The following CHGB variants were observed in gnomAD, a reference collection of about 807,000 sequenced individuals.
The protein encoded by CHGB is chromogranin B.
A neutral mutation model predicts 69.9 loss-of-function variants in CHGB; 46 were observed. The ratio of observed to expected loss-of-function variants is 0.66; its 90% CI spans 0.52 to 0.84. The LOEUF is 0.84. Ranked by LOEUF, CHGB falls within the 40% of genes least tolerant of loss-of-function variation. CHGB has a pLI of 0.00. For missense variants in CHGB, 796 were observed against 822.2 expected, an observed-to-expected ratio of 0.97 and a Z score of 0.39; for synonymous variants, 312 against 298.2, an observed-to-expected ratio of 1.05 and a Z score of -0.48.
intron 1 of CHGB, among the ~76,000 whole-genome samples, chr20:5,915,028 C>G (rs908794460): frequency 6.6e-6 from 1 of 152,198 alleles, no homozygotes; most frequent in Non-Finnish European, 1.5e-5. Context: ...TGTCTGAGAA[C>G]TTGCCCCAGC....
rs1177439592 is a variant in CHGB at position 5,923,384 on chromosome 20, G to A, written c.1240G>A (p.Gly414Arg). The change falls in exon 4 of 5, where the codon GGA (glycine) becomes AGA (arginine). Residue 414 changes from glycine (G) to arginine (R), a missense_variant. Gly to Arg is a moderately radical substitution (Grantham distance 125). Transcript: ENST00000378961. ...ESEEERGLEPGKGRHHRGRGG... is the reference protein window; with the variant it reads ...ESEEERGLEPRKGRHHRGRGG... The stretch of plus-strand genomic sequence containing the variant: ...TGAGGAAGAGAGGGGCCTTGAGCCG[G>A]GAAAGGGACGCCATCACAGAGGCAG... The A allele has an allele frequency of 1.9e-6, 3 of 1,613,838 alleles. No homozygotes were observed. Among genetic ancestry groups the A allele is most frequent in the Admixed American group, 1.7e-5 (1 of 59,994 alleles).
Position 5,923,290 on chromosome 20 carries a change from TGAG to T in CHGB, c.1152_1154del (p.Glu384del). ...GACCTCAGAGTGAGGAGAGTTGGGA[TGAG>T]GAGGACAAGAGAAACTACCCCAGCT... is the stretch of plus-strand genomic sequence containing the variant. On this transcript the variant is annotated inframe_deletion, in exon 4 of 5. Coordinates refer to ENST00000378961, the MANE Select transcript of CHGB (RefSeq NM_001819.3). 1 of 1,613,138 alleles carries T rather than the reference TGAG, an allele frequency of 6.2e-7. No individual in the cohort carries two copies. Among genetic ancestry groups the T allele is most frequent in the Non-Finnish European group, 8.5e-7 (1 of 1,179,932 alleles).
At chr20:5,919,928 T>C (rs923941095) in intron 3 of CHGB, among the ~76,000 whole-genome samples, 1 of 152,248 alleles carries the variant, frequency 6.6e-6, no homozygotes, top group Non-Finnish European at 1.5e-5. Context: ...TTTATGGATT[T>C]GAGAGACCTC....
At chr20:5,918,611 G>C (rs1469104838) in intron 3 of CHGB, among the ~76,000 whole-genome samples, 1 of 151,204 alleles carries the variant, frequency 6.6e-6, no homozygotes, top group Non-Finnish European at 1.5e-5. Context: ...AGGAGATCAA[G>C]ACCATCCTGT....
intron 1 of CHGB, among the ~76,000 whole-genome samples, chr20:5,913,723 G>A (rs1309078329): frequency 2.8e-5 from 4 of 144,456 alleles, no homozygotes; most frequent in East Asian, 2.1e-4. Context: ...TCCATCTCCC[G>A]GGCTCAAGCA....
chr20:5,921,746 A>G (rs1270057679), intron 3 of CHGB, among the ~76,000 whole-genome samples: 1 of 152,234 alleles, frequency 6.6e-6, no homozygotes, highest in East Asian at 1.9e-4. Flanking sequence ...TATATATCAC[A>G]TACTGCTAGG....
chr20:5,912,774 C>G (rs2088453972), intron 1 of CHGB, among the ~76,000 whole-genome samples: 1 of 152,024 alleles, frequency 6.6e-6, no homozygotes, highest in Non-Finnish European at 1.5e-5. Flanking sequence ...AGAAAATTGT[C>G]CATATCTGAG....
At chr20:5,913,238 T>C (rs1292978933) in intron 1 of CHGB, among the ~76,000 whole-genome samples, 1 of 152,258 alleles carries the variant, frequency 6.6e-6, no homozygotes, top group Non-Finnish European at 1.5e-5. Flanking sequence ...TCCACGCTTT[T>C]AAATTATATA....
chr20:5,917,609 C>T (rs1341976956), intron 3 of CHGB: 1 of 152,366 alleles, frequency 6.6e-6, no homozygotes, highest in African/African-American at 2.4e-5. Context: ...GTGAAGTGTT[C>T]TCAATATGAA....
chr20:5,922,306 A>C (rs750897747), intron 3 of CHGB, 29 bp from the exon 4 acceptor site: 90 of 1,506,336 alleles, frequency 6.0e-5, no homozygotes, highest in Non-Finnish European at 7.7e-5. Context: ...CAATTCTGAA[A>C]TTATACCTAC....
At chr20:5,913,883 C>T (rs555348384) in intron 1 of CHGB, among the ~76,000 whole-genome samples, 14 of 152,100 alleles carry the variant, frequency 9.2e-5, no homozygotes, top group African/African-American at 3.1e-4. Context: ...CCGCCAGCCT[C>T]GGACTCCCAA....
intron 1 of CHGB, among the ~76,000 whole-genome samples, chr20:5,914,916 A>C (rs1415143700): frequency 6.6e-6 from 1 of 152,234 alleles, no homozygotes; most frequent in Non-Finnish European, 1.5e-5. Flanking sequence ...GAGCCCCATG[A>C]TATGTAATTG....
At chr20:5,916,460 A>G (rs2088476188) in intron 2 of CHGB, 88 bp downstream of exon 2, 2 of 1,146,158 alleles carry the variant, frequency 1.7e-6, no homozygotes. Context: ...AAACACACGC[A>G]TGACATAATC....
chr20:5,915,492 G>A (rs1245697149), intron 1 of CHGB: 2 of 152,196 alleles, frequency 1.3e-5, no homozygotes, highest in African/African-American at 2.4e-5. Context: ...GAAACACAAT[G>A]TTGATACGGA....
At position 5,911,679 on chromosome 20, in the gene CHGB, G is replaced by T; in HGVS notation, c.46G>T (p.Ala16Ser). The change falls in exon 1 of 5, where the codon GCG becomes TCG. Residue 16 changes from alanine (A) to serine (S), a missense_variant. Physicochemically the swap from Ala to Ser is moderately conservative, Grantham distance 99. Coordinates refer to ENST00000378961, the MANE Select transcript of CHGB (RefSeq NM_001819.3). ...CAGCCTCCTGGGAGCCGTGGGGCTG[G>T]CGGGTGAGTGGGCGCGGCGGGCCGG... ...LLSLLGAVGL[A>S]AVNSMPVDNR... is the part of the protein sequence containing the mutation. 6.8e-7 allele frequency: 1 copy of T among 1,471,936 alleles called. No individual in the cohort carries two copies. 91.2% of individuals were successfully genotyped at this position (1,471,936 alleles called of 1,614,324 possible).
At chr20:5,916,710 A>G in intron 2 of CHGB, 116 bp from the exon 3 acceptor site, 1 of 899,746 alleles carries the variant, frequency 1.1e-6, no homozygotes, top group Non-Finnish European at 1.9e-6. Context: ...CCGCCCTAAG[A>G]ATACTGCATC....
At position 5,923,547 on chromosome 20, in the gene CHGB, A is replaced by C; in HGVS notation, c.1403A>C (p.Asp468Ala). 1 of 1,614,190 alleles carries C rather than the reference A, an allele frequency of 6.2e-7. No individual in the cohort carries two copies. ...CCACAAGGTGCGTGGAAAGAGCTGG[A>C]CAGAAATTATCTCAACTACGGTGAG... ...RHPQGAWKELDRNYLNYGEEG... is the reference protein window; with the variant it reads ...RHPQGAWKELARNYLNYGEEG... Residue 468 changes from aspartate (D) to alanine (A), a missense_variant, in exon 4 of 5, where the codon GAC becomes GCC. Asp to Ala is a moderately radical substitution (Grantham distance 126, BLOSUM62 -2). Transcript: ENST00000378961.
At chr20:5,914,124 T>C (rs901180114) in intron 1 of CHGB, among the ~76,000 whole-genome samples, 9 of 152,338 alleles carry the variant, frequency 5.9e-5, no homozygotes, top group African/African-American at 1.7e-4. Context: ...TTTCTTTTTT[T>C]TTCGTATATA....
chr20:5,917,001 T>A, intron 3 of CHGB, 82 bp downstream of exon 3: 1 of 1,269,546 alleles, frequency 7.9e-7, no homozygotes, highest in Admixed American at 1.7e-5. Context: ...TTCTACTTTA[T>A]CTACAAATGA....
Sources: allele counts gnomAD v4.1 joint callset (sites outside exome capture counted in the v4.1 genomes callset), GRCh38; gene constraint gnomAD v4.1.1; transcripts MANE v1.5; gene names NCBI Gene and HGNC (gene_info 2026-07-23, HGNC 2026-07-21).